KCNQ5: variants seen among roughly 807,000 people sequenced by gnomAD.
KCNQ5 encodes potassium voltage-gated channel subfamily KQT member 5.
Under a neutral mutation model 98.2 loss-of-function variants are expected in KCNQ5, and 30 were observed. The observed-to-expected ratio is 0.31, with a 90% CI of 0.23 to 0.41. The LOEUF is 0.41. Among genes scored for constraint, KCNQ5 ranks in the 10% least tolerant of loss-of-function variants. The pLI is 1.00. For synonymous variants in KCNQ5, 458 were observed against 449.4 expected, an observed-to-expected ratio of 1.02 and a Z score of -0.24; for missense variants, 835 against 1,182.5, an observed-to-expected ratio of 0.71 and a Z score of 4.31.
chr6:72,719,984 C>T (rs1431696487), intron 1 of KCNQ5, among the ~76,000 whole-genome samples: 1 of 152,194 alleles, frequency 6.6e-6, no homozygotes, highest in Non-Finnish European at 1.5e-5. Context: ...GATATGTACA[C>T]TAAACTCTGG....
At chr6:73,111,424 TA>T in intron 7 of KCNQ5, 21 bp downstream of exon 7, 1 of 1,513,970 alleles carries the variant, frequency 6.6e-7, no homozygotes, top group Non-Finnish European at 9.1e-7. Flanking sequence ...ATGTAATAGG[TA>T]GATGGCAACA....
At chr6:72,963,697 C>T (rs1324893933) in intron 1 of KCNQ5, among the ~76,000 whole-genome samples, 1 of 151,808 alleles carries the variant, frequency 6.6e-6, no homozygotes, top group Non-Finnish European at 1.5e-5. Flanking sequence ...GAATCTCACT[C>T]TGTTGCCCAC....
At chr6:72,689,318 C>G (rs984089364) in intron 1 of KCNQ5, among the ~76,000 whole-genome samples, 8 of 152,154 alleles carry the variant, frequency 5.3e-5, no homozygotes, top group Non-Finnish European at 1.2e-4. Context: ...CATAGCTAGC[C>G]TTCACACAGA....
At chr6:72,977,794 A>G (rs1234926885) in intron 1 of KCNQ5, among the ~76,000 whole-genome samples, 1 of 152,152 alleles carries the variant, frequency 6.6e-6, no homozygotes, top group Admixed American at 6.6e-5. Flanking sequence ...TATGCATTTT[A>G]TGTAATAATA....
chr6:73,183,133 A>C (rs1008004926), intron 11 of KCNQ5, among the ~76,000 whole-genome samples: 1 of 152,212 alleles, frequency 6.6e-6, no homozygotes, highest in African/African-American at 2.4e-5. Flanking sequence ...CATACAAGGC[A>C]GAGTAGGAGG....
chr6:73,004,778 G>A (rs916011341), intron 2 of KCNQ5, among the ~76,000 whole-genome samples: 2 of 152,094 alleles, frequency 1.3e-5, no homozygotes, highest in Non-Finnish European at 2.9e-5. Context: ...GACAGTCTTA[G>A]AGCTATTTGA....
At chr6:72,712,832 CAT>C (rs1769436698) in intron 1 of KCNQ5, among the ~76,000 whole-genome samples, 1 of 152,144 alleles carries the variant, frequency 6.6e-6, no homozygotes, top group Non-Finnish European at 1.5e-5. Flanking sequence ...TAATTTGAGT[CAT>C]AATTAAGATT....
chr6:72,766,487 G>A (rs1366830434), intron 1 of KCNQ5, among the ~76,000 whole-genome samples: 1 of 152,038 alleles, frequency 6.6e-6, no homozygotes, highest in African/African-American at 2.4e-5. Flanking sequence ...TACTAGAAAG[G>A]AAGCAGAAGA....
intron 1 of KCNQ5, among the ~76,000 whole-genome samples, chr6:72,786,305 C>A (rs1270023626): frequency 1.3e-5 from 2 of 152,102 alleles, no homozygotes; most frequent in African/African-American, 4.8e-5. Flanking sequence ...TATTATAAAA[C>A]GTGCTTAAAT....
intron 1 of KCNQ5, among the ~76,000 whole-genome samples, chr6:72,639,070 G>A (rs2098925785): frequency 6.6e-6 from 1 of 152,204 alleles, no homozygotes; most frequent in South Asian, 2.1e-4. Flanking sequence ...GCCTGTTTGG[G>A]CTTTGGGAAA....
intron 10 of KCNQ5, among the ~76,000 whole-genome samples, chr6:73,156,459 C>T (rs902206106): frequency 3.9e-5 from 6 of 152,164 alleles, no homozygotes. Context: ...CATGGTGAAA[C>T]CCCATCTCTA....
At chr6:73,193,637 A>G (rs186242048) in intron 13 of KCNQ5, among the ~76,000 whole-genome samples, 1 of 151,810 alleles carries the variant, frequency 6.6e-6, no homozygotes, top group African/African-American at 2.4e-5. Flanking sequence ...CCCCAATTTA[A>G]TAAAAAATAC....
intron 1 of KCNQ5, among the ~76,000 whole-genome samples, chr6:72,921,211 G>GCAAAAA (rs1202041938): frequency 6.6e-6 from 1 of 152,134 alleles, no homozygotes; most frequent in Admixed American, 6.5e-5. Flanking sequence ...TGCTTGAGTT[G>GCAAAAA]AAAGGAAACA....
intron 1 of KCNQ5, among the ~76,000 whole-genome samples, chr6:72,747,666 A>G (rs1771470344): frequency 6.6e-6 from 1 of 152,210 alleles, no homozygotes; most frequent in Non-Finnish European, 1.5e-5. Context: ...GAAGCATAGC[A>G]TACATTCCTG....
chr6:72,798,046 A>G (rs1364476207), intron 1 of KCNQ5, among the ~76,000 whole-genome samples: 2 of 152,212 alleles, frequency 1.3e-5, no homozygotes, highest in East Asian at 1.9e-4. Flanking sequence ...ATACTAAACA[A>G]GAAGCAATTT....
At chr6:73,048,440 G>A (rs997348175) in intron 3 of KCNQ5, among the ~76,000 whole-genome samples, 3 of 152,174 alleles carry the variant, frequency 2.0e-5, no homozygotes, top group South Asian at 4.1e-4. Flanking sequence ...ACAGGCAGAG[G>A]TCACACCCTG....
intron 1 of KCNQ5, among the ~76,000 whole-genome samples, chr6:72,731,623 A>T (rs1038804561): frequency 6.6e-6 from 1 of 152,168 alleles, no homozygotes; most frequent in Non-Finnish European, 1.5e-5. Context: ...TTCAGGCATG[A>T]GGACAAAGAA....
chr6:73,004,845 G>A (rs1769745238), intron 2 of KCNQ5, among the ~76,000 whole-genome samples: 1 of 152,206 alleles, frequency 6.6e-6, no homozygotes. Flanking sequence ...GTATACAGAA[G>A]CAGGGGGAGG....
chr6:73,079,582 C>G (rs562957633), intron 5 of KCNQ5, among the ~76,000 whole-genome samples: 1 of 152,142 alleles, frequency 6.6e-6, no homozygotes, highest in South Asian at 2.1e-4. Context: ...ATGAGAAATA[C>G]ATTCACCTAA....
Sources: allele counts gnomAD v4.1 joint callset (sites outside exome capture counted in the v4.1 genomes callset), GRCh38; gene constraint gnomAD v4.1.1; transcripts MANE v1.5; gene names NCBI Gene and HGNC (gene_info 2026-07-23, HGNC 2026-07-21).